The following CCDC73 variants were observed in gnomAD, a reference collection of about 807,000 sequenced individuals.
CCDC73 encodes coiled-coil domain-containing protein 73.
A neutral mutation model predicts 116.5 loss-of-function variants in CCDC73; 95 were observed. The ratio of observed to expected loss-of-function variants is 0.82; its 90% CI spans 0.69 to 0.97. The LOEUF (loss-of-function observed/expected upper bound fraction) is 0.97, where lower values mean the gene tolerates loss of function less well. Among genes scored for constraint, CCDC73 ranks in the 50% least tolerant of loss-of-function variants. The probability of loss-of-function intolerance (pLI) is 0.00; values close to 1 mark genes in which losing one functional copy is unlikely to be tolerated. For synonymous variants in CCDC73, 398 were observed against 401.3 expected (o/e 0.99, Z 0.10); for missense variants, 1,066 against 1,206.8 (o/e 0.88, Z 1.73).
At chr11:32,732,173 T>A (rs551106970) in intron 2 of CCDC73, among the ~76,000 whole-genome samples, 1 of 152,054 alleles carries the variant, frequency 6.6e-6, no homozygotes, top group African/African-American at 2.4e-5. Context: ...TATCAGTGAT[T>A]GAAGATCAAA....
intron 17 of CCDC73, among the ~76,000 whole-genome samples, chr11:32,610,704 C>G (rs1382089019): frequency 6.6e-6 from 1 of 152,118 alleles, no homozygotes; most frequent in African/African-American, 2.4e-5. Flanking sequence ...CACACGTGTT[C>G]TAATTGAAAT....
chr11:32,808,859 T>C, the CCDC73 span, among the ~76,000 whole-genome samples: 2 of 152,234 alleles, frequency 1.3e-5, no homozygotes, highest in Non-Finnish European at 2.9e-5. Context: ...ATCCTACTAC[T>C]CAGACATTAT....
At chr11:32,806,377 T>C in the CCDC73 span, among the ~76,000 whole-genome samples, 228 of 152,222 alleles carry the variant, frequency 1.5e-3, 1 homozygote, top group African/African-American at 4.9e-3. Flanking sequence ...TCCCGCACTT[T>C]GGGAGGCTGA....
At chr11:32,687,489 A>G (rs1276379672) in intron 6 of CCDC73, among the ~76,000 whole-genome samples, 1 of 152,226 alleles carries the variant, frequency 6.6e-6, no homozygotes, top group Admixed American at 6.5e-5. Context: ...CTTAGTGATA[A>G]TGAAAGTCAG....
Position 32,776,489 on chromosome 11 carries a change from C to T in CCDC73, c.-15-16231G>A, listed in dbSNP as rs548809196. ...AAAAGACTTCCTCTATTACACTTTC[C>T]TTACTGTCTCCTACTAATCCGTGCT... On this transcript the variant is annotated intron_variant, in intron 1 of 17. Coordinates refer to ENST00000335185, the MANE Select transcript of CCDC73 (RefSeq NM_001008391.4). Among the ~76,000 whole-genome samples the T allele has an allele frequency of 5.3e-4, 81 of 152,194 alleles. 1 individual carries two copies. In the South Asian group the frequency reaches 0.016, roughly 31 times the overall value.
intron 9 of CCDC73, among the ~76,000 whole-genome samples, chr11:32,666,932 C>G (rs554754209): frequency 1.3e-5 from 2 of 152,250 alleles, no homozygotes; most frequent in African/African-American, 2.4e-5. Context: ...CACTCCAGAC[C>G]CTGTTTGCCT....
intron 7 of CCDC73, chr11:32,682,182 T>A (rs1856151743): frequency 6.6e-6 from 1 of 151,900 alleles, no homozygotes; most frequent in Admixed American, 6.6e-5. Context: ...AAACACATTT[T>A]ATGTTGCCTT....
intron 12 of CCDC73, among the ~76,000 whole-genome samples, chr11:32,649,536 T>C (rs1855808581): frequency 6.6e-6 from 1 of 152,148 alleles, no homozygotes; most frequent in South Asian, 2.1e-4. Flanking sequence ...AATGATCCCT[T>C]TTAGTACAGG....
chr11:32,817,710 C>CT, the CCDC73 span, among the ~76,000 whole-genome samples: 1 of 152,170 alleles, frequency 6.6e-6, no homozygotes, highest in African/African-American at 2.4e-5. Flanking sequence ...TTAAAACACT[C>CT]TGTCATACAG....
chr11:32,693,004 G>A (rs968653825), intron 6 of CCDC73, among the ~76,000 whole-genome samples: 4 of 152,116 alleles, frequency 2.6e-5, no homozygotes, highest in African/African-American at 7.2e-5. Flanking sequence ...AACTAACAAG[G>A]TACTATGTTT....
chr11:32,790,115 T>C (rs1850662297), intron 1 of CCDC73, among the ~76,000 whole-genome samples: 1 of 152,014 alleles, frequency 6.6e-6, no homozygotes, highest in African/African-American at 2.4e-5. Context: ...TGAGAGAAGA[T>C]GAGATGAGGC....
chr11:32,611,003 C>T, intron 17 of CCDC73, 129 bp downstream of exon 17: 1 of 802,348 alleles, frequency 1.2e-6, no homozygotes, highest in South Asian at 2.2e-5. Context: ...AAAAATGGTG[C>T]CATGTTGCCC....
At chr11:32,791,659 A>G (rs1850677651) in intron 1 of CCDC73, among the ~76,000 whole-genome samples, 1 of 152,204 alleles carries the variant, frequency 6.6e-6, no homozygotes, top group South Asian at 2.1e-4. Flanking sequence ...CAATTAAAAA[A>G]ACACTGTTCT....
At chr11:32,714,577 G>A (rs1047933870) in intron 3 of CCDC73, among the ~76,000 whole-genome samples, 3 of 152,042 alleles carry the variant, frequency 2.0e-5, no homozygotes, top group African/African-American at 2.4e-5. Flanking sequence ...TAACCCCTGG[G>A]GAATAGATCC....
chr11:32,620,586 G>A (rs1055945427), intron 14 of CCDC73, among the ~76,000 whole-genome samples: 1 of 139,492 alleles, frequency 7.2e-6, no homozygotes, highest in African/African-American at 2.8e-5. Flanking sequence ...ACTCCAGCCT[G>A]GGCCACAGAG....
intron 6 of CCDC73, among the ~76,000 whole-genome samples, chr11:32,686,454 C>T (rs941058676): frequency 1.1e-4 from 16 of 151,358 alleles, no homozygotes; most frequent in South Asian, 2.1e-4. Context: ...TTTAAAGACA[C>T]GAGCCTGGAT....
intron 2 of CCDC73, among the ~76,000 whole-genome samples, chr11:32,753,748 G>T (rs1205686381): frequency 1.3e-5 from 2 of 152,132 alleles, no homozygotes; most frequent in African/African-American, 4.8e-5. Context: ...TTACAGGTGT[G>T]AGCCACCATG....
At chr11:32,701,734 A>G (rs1034722688) in intron 4 of CCDC73, among the ~76,000 whole-genome samples, 1 of 152,150 alleles carries the variant, frequency 6.6e-6, no homozygotes, top group Non-Finnish European at 1.5e-5. Context: ...CAGAAAAACT[A>G]AAGTACACAC....
the CCDC73 span, among the ~76,000 whole-genome samples, chr11:32,815,551 T>C: frequency 0.027 from 4,098 of 152,308 alleles, 76 homozygotes; most frequent in South Asian, 0.036. Context: ...ATAATACTTT[T>C]GGTAATGTAC....
Sources: gnomAD v4.1 joint callset for allele counts (sites outside exome capture counted in the v4.1 genomes callset) on GRCh38, gnomAD v4.1.1 for gene constraint, MANE v1.5 for transcripts, NCBI Gene and HGNC (gene_info 2026-07-23, HGNC 2026-07-21) for gene names.